The following TMPRSS11A variants were observed in gnomAD, a reference collection of about 807,000 sequenced individuals.
TMPRSS11A encodes transmembrane serine protease 11A, also known as transmembrane protease serine 11A.
Under a neutral mutation model 58.9 loss-of-function variants are expected in TMPRSS11A, and 53 were observed. The observed-to-expected ratio is 0.90, with a 90% CI of 0.72 to 1.13. The LOEUF is 1.13. Among genes scored for constraint, TMPRSS11A ranks in the 50% most tolerant of loss-of-function variants. The pLI, the probability that TMPRSS11A is intolerant of heterozygous loss-of-function variation, is 0.00. For missense variants in TMPRSS11A, 493 were observed against 499.3 expected, an observed-to-expected ratio of 0.99 and a Z score of 0.12; for synonymous variants, 167 against 169.8, an observed-to-expected ratio of 0.98 and a Z score of 0.13.
intron 3 of TMPRSS11A, among the ~76,000 whole-genome samples, chr4:67,943,458 C>T (rs1328413187): frequency 6.6e-6 from 1 of 151,960 alleles, no homozygotes; most frequent in Non-Finnish European, 1.5e-5. Flanking sequence ...CTTTTTGCAT[C>T]GAGGAGGTTA....
At chr4:67,958,100 T>C (rs760093498) in intron 1 of TMPRSS11A, among the ~76,000 whole-genome samples, 14 of 152,036 alleles carry the variant, frequency 9.2e-5, no homozygotes, top group Non-Finnish European at 1.3e-4. Flanking sequence ...AGGAAGAAGT[T>C]TGGTACAAGA....
intron 4 of TMPRSS11A, among the ~76,000 whole-genome samples, chr4:67,930,767 A>G (rs1438654389): frequency 6.8e-6 from 1 of 147,996 alleles, no homozygotes; most frequent in East Asian, 2.0e-4. Context: ...AAAAAAAAAC[A>G]AAAAACCTTG....
At position 67,946,552 on chromosome 4, in the gene TMPRSS11A, G is replaced by T. The variant is rs757600245; in HGVS notation, c.31C>A (p.Arg11=). ...ATCCATGGCTTCAGATTTCTGCTTC[G>T]GGTGCCAAATCCCACTGTCCTGAGA... MMYRTVGFGT[R]SRNLKPWMIA... Residue 11 remains arginine, a synonymous_variant, in exon 2 of 10, where the codon CGA becomes AGA. Coordinates refer to ENST00000508048, the MANE Select transcript of TMPRSS11A (RefSeq NM_001114387.2). 20 of 1,610,860 alleles carry T rather than the reference G, an allele frequency of 1.2e-5. No individual in the cohort carries two copies. The highest frequency in any genetic ancestry group is 1.7e-5 in the Non-Finnish European group (20 of 1,178,612).
chr4:67,927,441 G>T (rs377638411), intron 5 of TMPRSS11A, among the ~76,000 whole-genome samples: 77 of 152,342 alleles, frequency 5.1e-4, no homozygotes, highest in African/African-American at 1.8e-3. Flanking sequence ...GCACACCTGT[G>T]CCAGTGCCTG....
intron 5 of TMPRSS11A, among the ~76,000 whole-genome samples, chr4:67,925,746 A>G (rs1328586691): frequency 1.3e-5 from 2 of 152,236 alleles, no homozygotes; most frequent in African/African-American, 2.4e-5. Flanking sequence ...GTAATGCAAT[A>G]AAGTGGAAAA....
chr4:67,919,832 C>T (rs764954157), intron 7 of TMPRSS11A, among the ~76,000 whole-genome samples: 4 of 152,038 alleles, frequency 2.6e-5, no homozygotes, highest in Non-Finnish European at 5.9e-5. Context: ...GGATGGGCTG[C>T]AGTCAGAACA....
At position 67,922,826 on chromosome 4, in the gene TMPRSS11A, A is replaced by T; in HGVS notation, c.621T>A (p.Asp207Glu). 1.9e-6 allele frequency: 3 copies of T among 1,614,194 alleles called. No homozygotes were observed. The highest frequency in any genetic ancestry group is 2.5e-6 in the Non-Finnish European group (3 of 1,180,030). ...AWPWQASLQY[D>E]NIHQCGATLI... ...AGGTGGCCCCACACTGATGGATGTTATCATACTGAAGGGAAGCTTGCCAAG... is the reference window on the plus strand; with the variant it reads ...AGGTGGCCCCACACTGATGGATGTTTTCATACTGAAGGGAAGCTTGCCAAG... The change falls in exon 7 of 10, where the codon GAT becomes GAA. Residue 207 changes from aspartate to glutamate, a missense_variant. Physicochemically the swap from Asp to Glu is conservative, Grantham distance 45. Transcript: ENST00000508048.
At chr4:67,933,633 G>A (rs1407610713) in intron 3 of TMPRSS11A, among the ~76,000 whole-genome samples, 1 of 152,184 alleles carries the variant, frequency 6.6e-6, no homozygotes, top group Non-Finnish European at 1.5e-5. Flanking sequence ...CTGAGGTGGT[G>A]TGGGGTTCAT....
At position 67,930,047 on chromosome 4, in the gene TMPRSS11A, C is replaced by G; in HGVS notation, c.321-7G>C. On this transcript the variant is annotated splice_polypyrimidine_tract_variant and splice_region_variant and intron_variant, in intron 4 of 9. Transcript: ENST00000508048. ...CACACCATCTTCCTCTGGACTGTGA[C>G]ACACAAAAGAAAGGTACATTTTCAA... The G allele has an allele frequency of 6.2e-7, 1 of 1,600,850 alleles. No individual in the cohort carries two copies. The highest frequency in any genetic ancestry group is 8.5e-7 in the Non-Finnish European group (1 of 1,171,520).
chr4:67,928,556 G>T (rs1192269768), intron 5 of TMPRSS11A, among the ~76,000 whole-genome samples: 2 of 152,174 alleles, frequency 1.3e-5, no homozygotes, highest in Non-Finnish European at 2.9e-5. Flanking sequence ...TACACAGAAA[G>T]CATCATGTAA....
intron 1 of TMPRSS11A, among the ~76,000 whole-genome samples, chr4:67,954,335 A>G (rs563319024): frequency 6.6e-6 from 1 of 152,344 alleles, no homozygotes; most frequent in Admixed American, 6.5e-5. Flanking sequence ...CTGCCACTTC[A>G]GGACAAGCCC....
At chr4:67,936,110 A>T (rs1389656517) in intron 3 of TMPRSS11A, among the ~76,000 whole-genome samples, 2 of 152,084 alleles carry the variant, frequency 1.3e-5, no homozygotes, top group African/African-American at 4.8e-5. Context: ...GAGCCTGTTA[A>T]CGCCTTCACA....
intron 4 of TMPRSS11A, among the ~76,000 whole-genome samples, chr4:67,930,601 A>G (rs1404040052): frequency 6.6e-6 from 1 of 152,030 alleles, no homozygotes; most frequent in Non-Finnish European, 1.5e-5. Context: ...CAAATATTTG[A>G]AGACAACAAT....
chr4:67,955,463 C>T (rs1721263697), intron 1 of TMPRSS11A, among the ~76,000 whole-genome samples: 1 of 152,152 alleles, frequency 6.6e-6, no homozygotes, highest in African/African-American at 2.4e-5. Flanking sequence ...GGTTTAGGCT[C>T]ATGCTGAAAT....
chr4:67,937,388 T>C (rs551774614), intron 3 of TMPRSS11A, among the ~76,000 whole-genome samples: 1 of 152,328 alleles, frequency 6.6e-6, no homozygotes, highest in East Asian at 1.9e-4. Flanking sequence ...TTTTCTCTAA[T>C]AAGTATACCT....
rs535036906 is a variant in TMPRSS11A at position 67,949,892 on chromosome 4, G to A, written c.12-3321C>T. On this transcript the variant is annotated intron_variant, in intron 1 of 9. Coordinates refer to ENST00000508048, the MANE Select transcript of TMPRSS11A (RefSeq NM_001114387.2). ...ATCATCACCTTCTCATTCTGCAGAG[G>A]CCATATTAGTCATTTGTGTAATATT... Among the ~76,000 whole-genome samples the A allele has an allele frequency of 3.9e-5, 6 of 152,202 alleles. No homozygotes were observed. In the South Asian group the frequency reaches 1.0e-3, roughly 26 times the overall value.
At chr4:67,923,982 A>T in intron 6 of TMPRSS11A, 146 bp downstream of exon 6, 2 of 783,528 alleles carry the variant, frequency 2.6e-6, no homozygotes, top group Non-Finnish European at 4.4e-6. Flanking sequence ...TGAGTTAGAA[A>T]AAAAATGTAT....
In TMPRSS11A at chr4:67,963,455, C is replaced by G. The variant is rs2109777974; in HGVS notation, c.-62G>C. Reference sequence around the variant, plus strand: ...CCACTGAACTCAACTTTCTAATCAACTATATGACATCTCTAGATGTATTAG... The same window carrying G: ...CCACTGAACTCAACTTTCTAATCAAGTATATGACATCTCTAGATGTATTAG... On this transcript the variant is annotated 5_prime_UTR_variant, in exon 1 of 10. Transcript: ENST00000508048. 2.6e-6 allele frequency: 4 copies of G among 1,562,406 alleles called. No homozygotes were observed. The South Asian group carries it at 3.4e-5, about 13-fold the overall frequency.
intron 1 of TMPRSS11A, among the ~76,000 whole-genome samples, chr4:67,950,337 C>T (rs1721126917): frequency 6.6e-6 from 1 of 152,222 alleles, no homozygotes; most frequent in Non-Finnish European, 1.5e-5. Context: ...AGATGCCATC[C>T]ATTACTTGCC....
Sources: gnomAD v4.1 joint callset for allele counts (sites outside exome capture counted in the v4.1 genomes callset) on GRCh38, gnomAD v4.1.1 for gene constraint, MANE v1.5 for transcripts, NCBI Gene and HGNC (gene_info 2026-07-23, HGNC 2026-07-21) for gene names.